CAPN2: variants seen among roughly 807,000 people sequenced by gnomAD.
The protein encoded by CAPN2 is calpain-2 catalytic subunit.
Under a neutral mutation model 102.3 loss-of-function variants are expected in CAPN2, and 92 were observed. The observed-to-expected ratio is 0.90, with a 90% CI of 0.76 to 1.07. CAPN2 has a LOEUF of 1.07. Among genes scored for constraint, CAPN2 ranks in the 50% least tolerant of loss-of-function variants. The pLI is 0.00. For synonymous variants in CAPN2, 340 were observed against 355.4 expected (o/e 0.96, Z 0.49); for missense variants, 800 against 909.4 (o/e 0.88, Z 1.55).
chr1:223,725,314 T>C lies in CAPN2; in HGVS notation c.307+7483T>C, dbSNP rs923294102. ...AGGAGAATCGCTTGAACCTGAGAGG[T>C]GGAGGTTGCAGTGAGCCATGATCGC... On this transcript the variant is annotated intron_variant, in intron 2 of 20. Coordinates refer to ENST00000295006, the MANE Select transcript of CAPN2 (RefSeq NM_001748.5). This position sits in a 1 kb window ranked among gnomAD's most constrained non-coding sequence, Gnocchi z 4.1. Among the ~76,000 whole-genome samples the C allele has an allele frequency of 2.0e-5, 3 of 151,170 alleles. No homozygotes were observed. The highest frequency in any genetic ancestry group is 7.3e-5 in the African/African-American group (3 of 41,036).
rs1020748311 is a variant in CAPN2, at chr1:223,755,996, A to G, written c.1305+347A>G. Among the ~76,000 whole-genome samples, 2 of 152,242 alleles carry G rather than the reference A, an allele frequency of 1.3e-5. No individual in the cohort carries two copies. Among genetic ancestry groups the G allele is most frequent in the Admixed American group, 6.5e-5 (1 of 15,288 alleles). ...AGAACAGAATATACTGGGCCACATC[A>G]GGCAATACTGTGAGGGCAGGACTGA... On this transcript the variant is annotated intron_variant, in intron 10 of 20. Transcript: ENST00000295006. The surrounding 1 kb of genome is among the most constrained non-coding windows in gnomAD (Gnocchi z 4.1).
chr1:223,763,434 A>G (rs951295064), intron 14 of CAPN2, among the ~76,000 whole-genome samples: 5 of 152,188 alleles, frequency 3.3e-5, no homozygotes, highest in African/African-American at 9.7e-5. Context: ...TACACACCCC[A>G]AAAGGCAAAC....
At chr1:223,741,735 C>T (rs1170245327) in intron 2 of CAPN2, among the ~76,000 whole-genome samples, 4 of 151,950 alleles carry the variant, frequency 2.6e-5, no homozygotes, top group Admixed American at 1.3e-4. Flanking sequence ...GATTAAGAGG[C>T]ATGAGCCACC....
rs1558082240 is a variant in CAPN2, at chr1:223,775,039, T to C, written c.*182T>C. On this transcript the variant is annotated 3_prime_UTR_variant, in exon 21 of 21. Transcript: ENST00000295006. ...ATAGCAGAAGTTTCACACATCAAAG[T>C]AAAAGATTTGCATATCATTATACTA... 3 of 617,740 alleles carry C rather than the reference T, an allele frequency of 4.9e-6. No homozygotes were observed. In the South Asian group the frequency reaches 6.0e-5, roughly 12 times the overall value. 38.3% of individuals were successfully genotyped at this position (617,740 alleles called of 1,614,324 possible). A position where few individuals can be genotyped will look rare whatever the true frequency, so the allele number is the denominator to read the frequency against.
chr1:223,753,998 C>A (rs184110971), intron 9 of CAPN2, among the ~76,000 whole-genome samples: 2 of 152,346 alleles, frequency 1.3e-5, no homozygotes, highest in African/African-American at 2.4e-5. Flanking sequence ...TCCCAACAAA[C>A]TTCTGAGGCA....
intron 13 of CAPN2, chr1:223,761,853 A>G (rs139002160): frequency 5.7e-5 from 30 of 525,800 alleles, no homozygotes; most frequent in East Asian, 3.8e-4. Context: ...TCCATCCACA[A>G]CATTCCAGCT....
intron 16 of CAPN2, among the ~76,000 whole-genome samples, chr1:223,768,818 A>G (rs910131615): frequency 4.6e-5 from 7 of 151,674 alleles, no homozygotes; most frequent in African/African-American, 1.5e-4. Context: ...CCTACCCATG[A>G]GCATGGAATG....
rs540400067 is a variant in CAPN2, at chr1:223,757,293, G to A, written c.1306-76G>A. The A allele has an allele frequency of 2.5e-5, 37 of 1,507,326 alleles. No individual in the cohort carries two copies. In the East Asian group the frequency reaches 3.6e-4, roughly 15 times the overall value. 93.4% of individuals were successfully genotyped at this position (1,507,326 alleles called of 1,614,324 possible). A position where few individuals can be genotyped will look rare whatever the true frequency, so the allele number is the denominator to read the frequency against. ...ATGCTACAGAGAAAACGGGGGCAGC[G>A]GAAGAGAAGAGCACAGTGATGCATT... is the stretch of plus-strand genomic sequence containing the variant. On this transcript the variant is annotated intron_variant, in intron 10 of 20. Coordinates refer to ENST00000295006, the MANE Select transcript of CAPN2 (RefSeq NM_001748.5).
At chr1:223,760,300 T>G (rs923845104) in intron 12 of CAPN2, among the ~76,000 whole-genome samples, 11 of 151,868 alleles carry the variant, frequency 7.2e-5, no homozygotes, top group Non-Finnish European at 1.5e-4. Flanking sequence ...TCTTGTGGAG[T>G]GTGTCTGAGG....
At chr1:223,766,498 A>AAAC in intron 16 of CAPN2, 67 bp downstream of exon 16, 1 of 1,220,782 alleles carries the variant, frequency 8.2e-7, no homozygotes. Context: ...AGAAAGATTC[A>AAAC]AACACATGGC....
intron 2 of CAPN2, among the ~76,000 whole-genome samples, chr1:223,722,223 ATATT>A (rs1242384513): frequency 1.3e-5 from 2 of 151,498 alleles, no homozygotes; most frequent in Non-Finnish European, 2.9e-5. Context: ...TAAAAATTGA[ATATT>A]TAAGTGTTTT....
upstream of CAPN2, among the ~76,000 whole-genome samples, chr1:223,707,804 G>C (rs1469737260): frequency 6.6e-6 from 1 of 152,208 alleles, no homozygotes; most frequent in African/African-American, 2.4e-5. Context: ...GAGTTGACTG[G>C]AATGATAGGT....
At chr1:223,705,780 G>T (rs1259870583) in intron 1 of CAPN2, among the ~76,000 whole-genome samples, 1 of 152,204 alleles carries the variant, frequency 6.6e-6, no homozygotes, top group African/African-American at 2.4e-5. Context: ...GTACTCATGT[G>T]CCTGTAGAAG....
Position 223,759,509 on chromosome 1 carries a change from C to G in CAPN2, c.1529+28C>G. ...AGGCGGTTTGGTCCCTTCCTCTCCC[C>G]ACCCTTCCCTGTCCCTCCCCACTGG... On this transcript the variant is annotated intron_variant, in intron 12 of 20. Transcript: ENST00000295006. The surrounding 1 kb of genome is among the most constrained non-coding windows in gnomAD (Gnocchi z 4.6). 10 of 1,591,844 alleles carry G rather than the reference C, an allele frequency of 6.3e-6. No individual in the cohort carries two copies. The highest frequency in any genetic ancestry group is 8.6e-6 in the Non-Finnish European group (10 of 1,161,288).
At chr1:223,771,768 C>A in intron 18 of CAPN2, 41 bp from the exon 19 acceptor site, 1 of 1,239,342 alleles carries the variant, frequency 8.1e-7, no homozygotes, top group Admixed American at 1.7e-5. Flanking sequence ...ATGGAACAAT[C>A]TAATGCTTAG....
intron 12 of CAPN2, among the ~76,000 whole-genome samples, chr1:223,760,151 C>G (rs1661150200): frequency 6.6e-6 from 1 of 152,230 alleles, no homozygotes; most frequent in African/African-American, 2.4e-5. Flanking sequence ...AAAGGGAATT[C>G]ATCGAAAGGC....
chr1:223,719,831 T>TGTGTGTGTGTGTGTGTGC lies in CAPN2; in HGVS notation c.307+2001_307+2002insTGTGTGTGTGTGTGTGCG, dbSNP rs1491465648. Among the ~76,000 whole-genome samples the TGTGTGTGTGTGTGTGTGC allele has an allele frequency of 3.1e-4, 30 of 96,788 alleles. No individual in the cohort carries two copies. In the South Asian group the frequency reaches 3.2e-3, roughly 10 times the overall value. The allele number at this position is 96,788 out of a possible 152,430, so 63.5% of individuals were successfully genotyped here. ...GTGTGTGTGTGTGTGTGTGTGTGTG[T>TGTGTGTGTGTGTGTGTGC]GCGCGCGCGCGCGTATAATGCAGTA... On this transcript the variant is annotated intron_variant, in intron 2 of 20. Transcript: ENST00000295006.
intron 1 of CAPN2, among the ~76,000 whole-genome samples, chr1:223,705,738 G>C (rs1659589195): frequency 6.6e-6 from 1 of 152,216 alleles, no homozygotes; most frequent in East Asian, 1.9e-4. Context: ...ACAACAGGAA[G>C]CGTGAAAACA....
At chr1:223,742,496 GTGTATATATA>G (rs1223408172) in intron 2 of CAPN2, among the ~76,000 whole-genome samples, 2 of 105,294 alleles carry the variant, frequency 1.9e-5, no homozygotes, top group African/African-American at 7.1e-5. Flanking sequence ...ATATATATGT[GTGTATATATA>G]TATATATATA....
Sources: gnomAD v4.1 joint callset for allele counts (sites outside exome capture counted in the v4.1 genomes callset) on GRCh38, gnomAD v4.1.1 for gene constraint, Gnocchi (gnomAD v3.1) non-coding constraint, MANE v1.5 for transcripts, NCBI Gene and HGNC (gene_info 2026-07-23, HGNC 2026-07-21) for gene names.